ABCA4: variants seen among roughly 807,000 people sequenced by gnomAD.
The protein encoded by ABCA4 is ATP binding cassette subfamily A member 4, also known as retinal-specific phospholipid-transporting ATPase ABCA4.
ABCA4 carries 196 observed loss-of-function variants against 263.7 expected under a neutral mutation model. The observed-to-expected ratio is 0.74, with a 90% confidence interval of 0.66 to 0.84. The LOEUF is 0.84. Among genes scored for constraint, ABCA4 ranks in the 40% least tolerant of loss-of-function variants. The pLI, the probability that ABCA4 is intolerant of heterozygous loss-of-function variation, is 0.00. For synonymous variants in ABCA4, 1,133 were observed against 1,094.2 expected, an observed-to-expected ratio of 1.04 and a Z score of -0.70; for missense variants, 2,792 against 2,855.1, an observed-to-expected ratio of 0.98 and a Z score of 0.50.
chr1:94,039,912 C>A, intron 24 of ABCA4, 131 bp downstream of exon 24: 1 of 784,374 alleles, frequency 1.3e-6, no homozygotes, highest in Non-Finnish European at 2.2e-6. Context: ...AGCAAAAGAA[C>A]AACTGTGTGA....
chr1:93,998,220 G>A lies in ABCA4; in HGVS notation c.6480-110C>T, dbSNP rs549819048. 4.1e-6 allele frequency: 6 copies of A among 1,466,510 alleles called. No homozygotes were observed. The South Asian group carries it at 7.0e-5, about 17-fold the overall frequency. The allele number at this position is 1,466,510 out of a possible 1,614,324, so 90.8% of individuals were successfully genotyped here. A position where few individuals can be genotyped will look rare whatever the true frequency, so the allele number is the denominator to read the frequency against. On this transcript the variant is annotated intron_variant, in intron 47 of 49. Transcript: ENST00000370225. ...AATTTTGGGGATTAAGCTCAGCTTG[G>A]TGGCTCACACCTGAAATCCCAGCAA...
Position 94,065,600 on chromosome 1 carries a change from T to C in ABCA4, c.1555-2283A>G, listed in dbSNP as rs546534557. Reference sequence around the variant, plus strand: ...CCAACACTTCTTGGGCCTCCTGAACTAAACTGTCCCACCTCAGCCTCCATG... The same window carrying C: ...CCAACACTTCTTGGGCCTCCTGAACCAAACTGTCCCACCTCAGCCTCCATG... On this transcript the variant is annotated intron_variant, in intron 11 of 49. Transcript: ENST00000370225. 1.8e-4 allele frequency among the ~76,000 whole-genome samples: 28 copies of C among 152,340 alleles called. 1 individual carries two copies. Among genetic ancestry groups the C allele is most frequent in the Admixed American group, 5.9e-4 (9 of 15,304 alleles).
Position 94,029,626 on chromosome 1 carries a change from T to C in ABCA4, c.4358A>G (p.Tyr1453Cys). ...CCAGGGTGTTGAGTTGCCACAGGGG[T>C]ACTCCCTCATGGAAGACAAGAAAAT... ...RCLKEGWLPE[Y>C]PCGNSTPWKT... Residue 1453 changes from tyrosine to cysteine, a missense_variant, in exon 30 of 50, where the codon TAC becomes TGC. Transcript: ENST00000370225. The C allele has an allele frequency of 6.2e-7, 1 of 1,613,252 alleles. No individual in the cohort carries two copies. Among genetic ancestry groups the C allele is most frequent in the Non-Finnish European group, 8.5e-7 (1 of 1,179,612 alleles).
At chr1:94,000,789 G>A in intron 47 of ABCA4, 47 bp downstream of exon 47, 1 of 1,553,962 alleles carries the variant, frequency 6.4e-7, no homozygotes, top group Non-Finnish European at 8.9e-7. Flanking sequence ...CAGGATCCAG[G>A]TGGATCCACA....
At chr1:94,032,691 T>C (rs1660238906) in intron 26 of ABCA4, among the ~76,000 whole-genome samples, 1 of 152,190 alleles carries the variant, frequency 6.6e-6, no homozygotes, top group African/African-American at 2.4e-5. Flanking sequence ...CTGGTCAATA[T>C]GTGTAATACA....
intron 36 of ABCA4, among the ~76,000 whole-genome samples, chr1:94,018,199 G>A (rs184710024): frequency 4.4e-4 from 65 of 148,236 alleles, no homozygotes; most frequent in African/African-American, 1.3e-3. Context: ...ACGCGCGTGC[G>A]TGCACACATA....
At chr1:94,046,444 G>A (rs1298210535) in intron 19 of ABCA4, among the ~76,000 whole-genome samples, 1 of 130,380 alleles carries the variant, frequency 7.7e-6, no homozygotes, top group Non-Finnish European at 1.6e-5. Context: ...CATGGGTAAT[G>A]GTTACTATCT....
At chr1:94,010,018 A>G (rs1659503446) in intron 40 of ABCA4, among the ~76,000 whole-genome samples, 1 of 152,234 alleles carries the variant, frequency 6.6e-6, no homozygotes, top group African/African-American at 2.4e-5. Flanking sequence ...TTCATTTCCA[A>G]TAAATCAATT....
intron 32 of ABCA4, among the ~76,000 whole-genome samples, chr1:94,022,243 G>A (rs764190900): frequency 1.3e-5 from 2 of 152,008 alleles, no homozygotes; most frequent in Non-Finnish European, 2.9e-5. Flanking sequence ...TGGACATATC[G>A]AGTCACTTCC....
intron 6 of ABCA4, among the ~76,000 whole-genome samples, chr1:94,097,780 T>C (rs139507625): frequency 0.014 from 2,076 of 152,246 alleles, 37 homozygotes; most frequent in African/African-American, 0.048. Flanking sequence ...GACGGAGTCT[T>C]GCTCTGTCAC....
At chr1:94,006,877 T>G (rs753480635) in intron 43 of ABCA4, among the ~76,000 whole-genome samples, 1 of 152,210 alleles carries the variant, frequency 6.6e-6, no homozygotes, top group Non-Finnish European at 1.5e-5. Flanking sequence ...GCACCTCTAT[T>G]GTGTGTGCTG....
chr1:94,063,723 AAGAG>A (rs1661192404), intron 11 of ABCA4, among the ~76,000 whole-genome samples: 2 of 150,354 alleles, frequency 1.3e-5, no homozygotes. Context: ...AAGAGCTTTA[AAGAG>A]AGAGAGAAAC....
intron 44 of ABCA4, among the ~76,000 whole-genome samples, chr1:94,003,863 C>T (rs1284047736): frequency 6.6e-6 from 1 of 152,136 alleles, no homozygotes; most frequent in African/African-American, 2.4e-5. Flanking sequence ...ATCTGGAACT[C>T]CTGGGCTCAA....
chr1:94,009,818 C>A (rs1473506397), intron 40 of ABCA4, among the ~76,000 whole-genome samples: 1 of 152,164 alleles, frequency 6.6e-6, no homozygotes, highest in African/African-American at 2.4e-5. Flanking sequence ...CTGCTCTCTC[C>A]CACACAAAAG....
Position 94,098,840 on chromosome 1 carries a change from T to C in ABCA4, c.722A>G (p.Glu241Gly), listed in dbSNP as rs1662208543. The C allele has an allele frequency of 6.2e-7, 1 of 1,614,008 alleles. No individual in the cohort carries two copies. Among genetic ancestry groups the C allele is most frequent in the Non-Finnish European group, 8.5e-7 (1 of 1,180,018 alleles). ...SLSQGTLQWI[E>G]DTLYANVDFF... ...GTCCACGTTGGCATACAGAGTGTCT[T>C]CTATCCACTGTAGGGTGCCCTGGGA... Residue 241 changes from glutamate to glycine, a missense_variant, in exon 6 of 50, where the codon GAA becomes GGA. By Grantham distance (98) the Glu-to-Gly change is moderately conservative (BLOSUM62 -2). Transcript: ENST00000370225.
In ABCA4 at chr1:94,005,494, G is replaced by A. The variant is rs183398940; in HGVS notation, c.6094C>T (p.His2032Tyr). The A allele has an allele frequency of 6.2e-7, 1 of 1,614,146 alleles. No individual in the cohort carries two copies. Among genetic ancestry groups the A allele is most frequent in the Admixed American group, 1.7e-5 (1 of 60,020 alleles). The change falls in exon 44 of 50, where the codon CAT becomes TAT. Residue 2032 changes from histidine to tyrosine, a missense_variant. His to Tyr is a moderately conservative substitution (Grantham distance 83). Coordinates refer to ENST00000370225, the MANE Select transcript of ABCA4 (RefSeq NM_000350.3). The part of the protein sequence containing the change: ...AIDELLTGRE[H>Y]LYLYARLRGV... ...CGAAGCCGGGCATAAAGGTAAAGAT[G>A]TTCTCGTCCTGTGAGCAGCTCATCA...
chr1:94,111,399 C>T (rs748890832), intron 3 of ABCA4, 39 bp downstream of exon 3: 1 of 1,610,640 alleles, frequency 6.2e-7, no homozygotes, highest in African/African-American at 1.3e-5. Context: ...AAGGGGTGTG[C>T]AACTTCCTCC....
rs1357586196 is a variant in ABCA4, at chr1:94,010,834, G to C, written c.5680C>G (p.Leu1894Val). The change falls in exon 40 of 50, where the codon CTG (leucine) becomes GTG (valine). Residue 1894 changes from leucine to valine, a missense_variant. Leu to Val is a conservative substitution (Grantham distance 32, BLOSUM62 1). Transcript: ENST00000370225. ...AGGAAGAAGTGGCGCTGGACCAGCA[G>C]GGTCAGGAGGAAGTACACCACCCCT... Reference protein sequence around the residue: ...VEGVVYFLLTLLVQRHFFLSQ... With the variant: ...VEGVVYFLLTVLVQRHFFLSQ... 5.0e-6 allele frequency: 8 copies of C among 1,613,998 alleles called. No individual in the cohort carries two copies. The highest frequency in any genetic ancestry group is 6.8e-6 in the Non-Finnish European group (8 of 1,180,018).
In ABCA4 at chr1:94,112,979, G is replaced by C. The variant is rs941059389; in HGVS notation, c.154C>G (p.His52Asp). ...GCTACCCTGCTATGCTTACATTCATGATGGCTGTAGAGTGGGTTGGCATTC... is the reference window on the plus strand; with the variant it reads ...GCTACCCTGCTATGCTTACATTCATCATGGCTGTAGAGTGGGTTGGCATTC... ...LRNANPLYSH[H>D]ECHFPNKAMP... Residue 52 changes from histidine to aspartate, a missense_variant, in exon 2 of 50, where the codon CAT (histidine) becomes GAT (aspartate). Transcript: ENST00000370225. 2.5e-6 allele frequency: 4 copies of C among 1,612,858 alleles called. No homozygotes were observed. The African/African-American group carries it at 5.3e-5, about 22-fold the overall frequency.
Sources: allele counts gnomAD v4.1 joint callset (sites outside exome capture counted in the v4.1 genomes callset), GRCh38; gene constraint gnomAD v4.1.1; transcripts MANE v1.5; gene names NCBI Gene and HGNC (gene_info 2026-07-23, HGNC 2026-07-21).